Variants in OFD1 observed in about 807,000 individuals in gnomAD.
The protein encoded by OFD1 is OFD1 centriole and centriolar satellite protein.
In OFD1, 12 loss-of-function variants were observed where a neutral mutation model predicts 81.4. The observed-to-expected ratio is 0.15, with a 90% CI of 0.09 to 0.24. The LOEUF (loss-of-function observed/expected upper bound fraction) is 0.24, where lower values mean the gene tolerates loss of function less well. Among genes scored for constraint, OFD1 ranks in the 10% least tolerant of loss-of-function variants. The probability of loss-of-function intolerance (pLI) is 1.00; values close to 1 mark genes in which losing one functional copy is unlikely to be tolerated. For missense variants in OFD1, 685 were observed against 733.9 expected (o/e 0.93, Z 0.77); for synonymous variants, 256 against 263.7 (o/e 0.97, Z 0.28).
chrX:13,766,019 G>A (rs769298868), intron 19 of OFD1, among the ~76,000 whole-genome samples: 5 of 111,987 alleles, frequency 4.5e-5, no homozygotes, highest in African/African-American at 6.5e-5. Flanking sequence ...AGACAGTGAA[G>A]GTGAATGTCA....
rs768421340 is a variant in OFD1, at chrX:13,767,106, CT to C, written c.2600-18del. The stretch of plus-strand genomic sequence containing the variant: ...GAATAATCTGATACTGGAAGCTACT[CT>C]TTATTTTCTGTCCTATTAGGTGTAG... On this transcript the variant is annotated intron_variant, in intron 19 of 22. Coordinates refer to ENST00000340096, the MANE Select transcript of OFD1 (RefSeq NM_003611.3). The C allele has an allele frequency of 1.7e-5, 20 of 1,201,219 alleles. No individual in the cohort carries two copies. In the East Asian group the frequency reaches 5.9e-4, roughly 36 times the overall value.
Position 13,736,530 on chromosome X carries a change from G to A in OFD1, c.164G>A (p.Gly55Glu), listed in dbSNP as rs1245414855. 1 of 1,209,232 alleles carries A rather than the reference G, an allele frequency of 8.3e-7. No individual in the cohort carries two copies. Among genetic ancestry groups the A allele is most frequent in the African/African-American group, 1.8e-5 (1 of 57,071 alleles). Reference protein sequence around the residue: ...IHELMHPVLSGELQPRSISVE... With the variant: ...IHELMHPVLSEELQPRSISVE... ...GAGTTGATGCACCCTGTATTGAGTG[G>A]AGAACTGCAGCCTCGGTCCATTTCA... The change falls in exon 3 of 23, where the codon GGA becomes GAA. Residue 55 changes from glycine (G) to glutamate (E), a missense_variant. Transcript: ENST00000340096.
chrX:13,757,956 A>G (rs2047775593), intron 14 of OFD1, among the ~76,000 whole-genome samples, 166 bp downstream of exon 14: 1 of 112,296 alleles, frequency 8.9e-6, no homozygotes, highest in African/African-American at 3.2e-5. Flanking sequence ...TTCTGCAGTG[A>G]TAACGTGACT....
chrX:13,759,305 T>A (rs958802225), intron 15 of OFD1, among the ~76,000 whole-genome samples: 36 of 112,389 alleles, frequency 3.2e-4, no homozygotes, highest in African/African-American at 1.2e-3. Context: ...TTCCTCATTT[T>A]CTTTCAGTTC....
rs191677126 is a variant in OFD1, at chrX:13,738,475, A to G, written c.313-371A>G. ...TTAAGGACAGTAAAAATCTATTTAC[A>G]TTTTTAAACAATGAATACTTTTTAA... On this transcript the variant is annotated intron_variant, in intron 3 of 22. Transcript: ENST00000340096. 6.1e-4 allele frequency among the ~76,000 whole-genome samples: 69 copies of G among 112,760 alleles called. 2 individuals are homozygous for G. Among genetic ancestry groups the G allele is most frequent in the Middle Eastern group, 4.6e-3 (1 of 217 alleles).
upstream of OFD1, among the ~76,000 whole-genome samples, chrX:13,731,765 C>T (rs929028747): frequency 5.4e-5 from 6 of 111,995 alleles, no homozygotes; most frequent in Non-Finnish European, 1.1e-4. Flanking sequence ...CACAGGGTCT[C>T]TAGTAAGGCT....
intron 5 of OFD1, 196 bp downstream of exon 5, chrX:13,739,228 A>G (rs1329110741): frequency 9.8e-6 from 4 of 408,927 alleles, no homozygotes; most frequent in Non-Finnish European, 1.3e-5. Context: ...TGTAGACAGT[A>G]TCAAAGGCCC....
upstream of OFD1, chrX:13,734,238 C>T: frequency 2.5e-6 from 1 of 394,523 alleles, no homozygotes. Context: ...ACAGGACAGC[C>T]TCCCAAAACA....
the OFD1 span, among the ~76,000 whole-genome samples, chrX:13,715,272 A>C: frequency 8.9e-6 from 1 of 112,986 alleles, no homozygotes; most frequent in South Asian, 3.6e-4. Context: ...CAGGAGTTTG[A>C]GACCAGCCTG....
chrX:13,752,883 C>G (rs996873090), intron 10 of OFD1: 1 of 944,872 alleles, frequency 1.1e-6, no homozygotes, highest in African/African-American at 2.0e-5. Context: ...TTTGGTATTG[C>G]TAATCCGGAT....
chrX:13,735,135 G>T (rs1190974868), intron 1 of OFD1, 52 bp downstream of exon 1: 1 of 1,208,401 alleles, frequency 8.3e-7, no homozygotes, highest in Non-Finnish European at 1.1e-6. Flanking sequence ...TTTTGTGTTC[G>T]TTAAACTTTC....
chrX:13,762,951 G>A (rs1440741175), intron 18 of OFD1, among the ~76,000 whole-genome samples: 1 of 111,053 alleles, frequency 9.0e-6, no homozygotes, highest in African/African-American at 3.3e-5. Context: ...TGTATTTTTA[G>A]TAGAGATGGG....
rs1041324857 is a variant in OFD1 at position 13,752,791 on chromosome X, G to A, written c.1056-577G>A. 21 of 968,821 alleles carry A rather than the reference G, an allele frequency of 2.2e-5. No homozygotes were observed. In the East Asian group the frequency reaches 1.2e-3, roughly 56 times the overall value. The allele number at this position is 968,821 out of a possible 1,213,427, so 79.8% of individuals were successfully genotyped here. A position where few individuals can be genotyped will look rare whatever the true frequency, so the allele number is the denominator to read the frequency against. ...TGGAGTTTGGAGGCTCTTCGCCACA[G>A]GAGTGCTTCTATTTCCTTTTGGAAC... is the stretch of plus-strand genomic sequence containing the variant. On this transcript the variant is annotated intron_variant, in intron 10 of 22. Transcript: ENST00000340096.
the OFD1 span, chrX:13,716,607 T>C: frequency 1.2e-5 from 15 of 1,211,541 alleles, no homozygotes; most frequent in East Asian, 3.0e-5. Context: ...TGTTGTTCGA[T>C]AGCCACATGT....
chrX:13,756,880 T>A, intron 13 of OFD1, 113 bp downstream of exon 13: 1 of 619,896 alleles, frequency 1.6e-6, no homozygotes, highest in Non-Finnish European at 2.7e-6. Context: ...TTGGGAAGAT[T>A]TATAAAATTA....
chrX:13,740,441 G>A (rs182377988), intron 5 of OFD1, among the ~76,000 whole-genome samples: 1 of 112,134 alleles, frequency 8.9e-6, no homozygotes, highest in East Asian at 2.8e-4. Context: ...TATATAGCTA[G>A]TATCTTTTGC....
intron 3 of OFD1, among the ~76,000 whole-genome samples, chrX:13,737,062 T>C (rs1755348671): frequency 8.9e-6 from 1 of 112,068 alleles, no homozygotes; most frequent in Non-Finnish European, 1.9e-5. Flanking sequence ...AACCAGACTC[T>C]GGAGAGGTGA....
At chrX:13,766,926 G>A (rs1156493046) in intron 19 of OFD1, among the ~76,000 whole-genome samples, 1 of 111,045 alleles carries the variant, frequency 9.0e-6, no homozygotes, top group African/African-American at 3.3e-5. Context: ...TCTCAGTCAA[G>A]TGAAGTAGGG....
At chrX:13,772,139 CAAG>C (rs1257760958), downstream of OFD1, 2 of 112,319 alleles carry the variant, frequency 1.8e-5, no homozygotes, top group East Asian at 5.5e-4. Context: ...TGACATTTCT[CAAG>C]AATAATGAAA....
Sources: gnomAD v4.1 joint callset for allele counts (sites outside exome capture counted in the v4.1 genomes callset) on GRCh38, gnomAD v4.1.1 for gene constraint, MANE v1.5 for transcripts, NCBI Gene and HGNC (gene_info 2026-07-23, HGNC 2026-07-21) for gene names.